PMFBP1: variants seen among roughly 807,000 people sequenced by gnomAD.
The protein encoded by PMFBP1 is polyamine modulated factor 1 binding protein 1.
Under a neutral mutation model 137.8 loss-of-function variants are expected in PMFBP1, and 131 were observed. That is an observed-to-expected ratio of 0.95 (90% confidence interval 0.82 to 1.10). The LOEUF is 1.10. Among genes scored for constraint, PMFBP1 ranks in the 50% least tolerant of loss-of-function variants. The pLI is 0.00. For missense variants in PMFBP1, 1,199 were observed against 1,175.4 expected, an observed-to-expected ratio of 1.02 and a Z score of -0.29; for synonymous variants, 490 against 450.4, an observed-to-expected ratio of 1.09 and a Z score of -1.11.
At chr16:72,227,660 G>T in the PMFBP1 span, among the ~76,000 whole-genome samples, 1 of 152,108 alleles carries the variant, frequency 6.6e-6, no homozygotes, top group Admixed American at 6.6e-5. Context: ...AGGCAGAATG[G>T]TATGCCCTTA....
At position 72,139,308 on chromosome 16, in the gene PMFBP1, T is replaced by C. The variant is rs943516106; in HGVS notation, c.899A>G (p.Glu300Gly). 11 of 1,613,658 alleles carry C rather than the reference T, an allele frequency of 6.8e-6. No homozygotes were observed. The highest frequency in any genetic ancestry group is 1.3e-5 in the African/African-American group (1 of 74,890). The change falls in exon 7 of 21, where the codon GAG (glutamate) becomes GGG (glycine). Residue 300 changes from glutamate to glycine, a missense_variant. Transcript: ENST00000237353. ...THRYPPSSSE[E>G]CEDIKKILKH... ...TCCCACCTTTTTGATGTCTTCACAC[T>C]CTTCTGAGGAGCTAGGAGGGTATCT...
intron 5 of PMFBP1, among the ~76,000 whole-genome samples, chr16:72,146,957 T>A (rs147982330): frequency 0.035 from 5,403 of 152,278 alleles, 285 homozygotes; most frequent in African/African-American, 0.12. Context: ...CCCAAAGTAC[T>A]TTATAGATTC....
intron 16 of PMFBP1, 142 bp downstream of exon 16, chr16:72,125,096 T>C (rs1417435269): frequency 8.7e-6 from 12 of 1,377,892 alleles, no homozygotes; most frequent in Non-Finnish European, 1.1e-5. Context: ...TTGCTGCCTC[T>C]GTCTGAAGTT....
chr16:72,120,457 C>T (rs2042360577), intron 19 of PMFBP1, among the ~76,000 whole-genome samples: 1 of 152,200 alleles, frequency 6.6e-6, no homozygotes, highest in Admixed American at 6.5e-5. Flanking sequence ...GTAGGGACAA[C>T]TGTGATCATG....
chr16:72,150,753 A>G lies in PMFBP1; in HGVS notation c.491T>C (p.Leu164Pro). 1 of 1,614,188 alleles carries G rather than the reference A, an allele frequency of 6.2e-7. No individual in the cohort carries two copies. The highest frequency in any genetic ancestry group is 8.5e-7 in the Non-Finnish European group (1 of 1,180,032). The part of the protein sequence containing the change: ...GEKLHLAQEQ[L>P]ALAGDKIASL... ...GGCGATCTTGTCCCCGGCCAAGGCG[A>G]GTTGCTCCTGCGCCAAATGGAGCTT... is the stretch of plus-strand genomic sequence containing the variant. Residue 164 changes from leucine to proline, a missense_variant, in exon 5 of 21, where the codon CTC (leucine) becomes CCC (proline). Coordinates refer to ENST00000237353, the MANE Select transcript of PMFBP1 (RefSeq NM_031293.3).
chr16:72,187,642 T>C, the PMFBP1 span, among the ~76,000 whole-genome samples: 2 of 152,320 alleles, frequency 1.3e-5, no homozygotes, highest in East Asian at 1.9e-4. Flanking sequence ...TGGTTACATA[T>C]GGGCACTGCT....
the PMFBP1 span, among the ~76,000 whole-genome samples, chr16:72,218,899 A>G: frequency 2.6e-5 from 4 of 152,192 alleles, no homozygotes; most frequent in Admixed American, 1.3e-4. Flanking sequence ...AGTAACCCCA[A>G]CAAAGGGCAT....
chr16:72,212,402 T>C, the PMFBP1 span, among the ~76,000 whole-genome samples: 1 of 151,956 alleles, frequency 6.6e-6, no homozygotes, highest in Non-Finnish European at 1.5e-5. Flanking sequence ...GAATGGTACA[T>C]GTGCCAAATC....
chr16:72,161,916 T>A (rs916356036), intron 3 of PMFBP1, among the ~76,000 whole-genome samples: 1 of 152,214 alleles, frequency 6.6e-6, no homozygotes, highest in Non-Finnish European at 1.5e-5. Context: ...CAAATTACTT[T>A]TATCCACAGG....
At chr16:72,233,328 A>G in the PMFBP1 span, among the ~76,000 whole-genome samples, 2 of 152,168 alleles carry the variant, frequency 1.3e-5, no homozygotes, top group Non-Finnish European at 2.9e-5. Context: ...ATCCACAAAA[A>G]GGCAAATAAT....
At chr16:72,138,223 G>T (rs1322697517) in intron 7 of PMFBP1, among the ~76,000 whole-genome samples, 2 of 152,176 alleles carry the variant, frequency 1.3e-5, no homozygotes, top group African/African-American at 4.8e-5. Context: ...TTGATCCCTT[G>T]TTCAACCAAC....
At chr16:72,140,099 T>C (rs2042693517) in intron 6 of PMFBP1, among the ~76,000 whole-genome samples, 1 of 152,254 alleles carries the variant, frequency 6.6e-6, no homozygotes, top group African/African-American at 2.4e-5. Flanking sequence ...TAGTCCTTTT[T>C]ACTGGCTGCA....
the PMFBP1 span, among the ~76,000 whole-genome samples, chr16:72,223,030 T>C: frequency 6.6e-6 from 1 of 152,176 alleles, no homozygotes; most frequent in Non-Finnish European, 1.5e-5. Context: ...CAGCTTGTCA[T>C]GACACACAGC....
intron 2 of PMFBP1, 129 bp from the exon 3 acceptor site, chr16:72,165,045 C>T: frequency 1.1e-6 from 1 of 935,368 alleles, no homozygotes; most frequent in Non-Finnish European, 1.5e-6. Flanking sequence ...GCTGTTATTA[C>T]TCATCCTGTG....
intron 12 of PMFBP1, among the ~76,000 whole-genome samples, chr16:72,129,796 A>G (rs1302988253): frequency 6.6e-6 from 1 of 152,182 alleles, no homozygotes; most frequent in Non-Finnish European, 1.5e-5. Context: ...TGGTCAATTA[A>G]TTTGCATGGA....
intron 5 of PMFBP1, among the ~76,000 whole-genome samples, chr16:72,145,315 G>C (rs760285388): frequency 2.0e-5 from 3 of 152,184 alleles, no homozygotes; most frequent in Non-Finnish European, 4.4e-5. Context: ...CAGAAATAAA[G>C]ATGTTCTTTG....
chr16:72,116,697 T>TTC (rs2042312350), downstream of PMFBP1, among the ~76,000 whole-genome samples: 1 of 151,868 alleles, frequency 6.6e-6, no homozygotes, highest in African/African-American at 2.4e-5. Context: ...GCTTTATTCT[T>TTC]TTGCATGCAA....
chr16:72,161,176 C>T (rs2043056954), intron 3 of PMFBP1, among the ~76,000 whole-genome samples: 1 of 149,898 alleles, frequency 6.7e-6, no homozygotes, highest in Non-Finnish European at 1.5e-5. Flanking sequence ...CAGCTCACTG[C>T]AACCTCTGTC....
At chr16:72,196,149 G>A in the PMFBP1 span, among the ~76,000 whole-genome samples, 7 of 152,106 alleles carry the variant, frequency 4.6e-5, no homozygotes, top group African/African-American at 7.2e-5. Flanking sequence ...CACCTTACAT[G>A]AATGCTCTTT....
Sources: allele counts gnomAD v4.1 joint callset (sites outside exome capture counted in the v4.1 genomes callset), GRCh38; gene constraint gnomAD v4.1.1; transcripts MANE v1.5; gene names NCBI Gene and HGNC (gene_info 2026-07-23, HGNC 2026-07-21).